Variants in DGKB observed in about 807,000 individuals in gnomAD.
DGKB encodes diacylglycerol kinase beta.
Under a neutral mutation model 114.3 loss-of-function variants are expected in DGKB, and 67 were observed. That is an observed-to-expected ratio of 0.59 (90% confidence interval 0.48 to 0.72). The LOEUF is 0.72. Among genes scored for constraint, DGKB ranks in the 30% least tolerant of loss-of-function variants. The pLI is 0.00. For synonymous variants in DGKB, 398 were observed against 323.1 expected (o/e 1.23, Z -2.49); for missense variants, 907 against 975.2 (o/e 0.93, Z 0.93).
chr7:14,806,171 C>A (rs1842773178), intron 2 of DGKB, among the ~76,000 whole-genome samples: 1 of 151,970 alleles, frequency 6.6e-6, no homozygotes, highest in South Asian at 2.1e-4. Flanking sequence ...ATGACTCTAG[C>A]TTAATTTGCA....
At chr7:14,940,270 T>G (rs1468244737) in intron 1 of DGKB, among the ~76,000 whole-genome samples, 2 of 152,094 alleles carry the variant, frequency 1.3e-5, no homozygotes, top group Non-Finnish European at 2.9e-5. Flanking sequence ...TGACAGTTTT[T>G]TAATCTCAAA....
intron 1 of DGKB, among the ~76,000 whole-genome samples, chr7:14,920,288 C>T (rs978607490): frequency 3.3e-5 from 5 of 151,892 alleles, no homozygotes; most frequent in South Asian, 2.1e-4. Flanking sequence ...AAATATACAA[C>T]GAATTCTTGA....
rs567187921 is a variant in DGKB, at chr7:14,643,759, C to T, written c.1135-13491G>A. On this transcript the variant is annotated intron_variant, in intron 13 of 25. Coordinates refer to ENST00000402815, the MANE Select transcript of DGKB (RefSeq NM_001350709.2). Reference sequence around the variant, plus strand: ...CTCTAGCAGTGGGGCCACCACATGTCCATGTGCAATGTCAATAACCTGCAA... The same window carrying T: ...CTCTAGCAGTGGGGCCACCACATGTTCATGTGCAATGTCAATAACCTGCAA... Among the ~76,000 whole-genome samples, 3 of 152,284 alleles carry T rather than the reference C, an allele frequency of 2.0e-5. No individual in the cohort carries two copies. In the East Asian group the frequency reaches 5.8e-4, roughly 29 times the overall value.
At chr7:14,850,096 A>C (rs1157034417) in intron 1 of DGKB, among the ~76,000 whole-genome samples, 1 of 152,226 alleles carries the variant, frequency 6.6e-6, no homozygotes, top group African/African-American at 2.4e-5. Context: ...GAGAGACTAG[A>C]AGACACTTTT....
intron 23 of DGKB, among the ~76,000 whole-genome samples, chr7:14,304,317 T>C (rs1804098943): frequency 6.6e-6 from 1 of 152,126 alleles, no homozygotes; most frequent in South Asian, 2.1e-4. Flanking sequence ...CCAGTTAATG[T>C]AAGACAGCTT....
chr7:14,401,475 G>T (rs1386801649), intron 21 of DGKB, among the ~76,000 whole-genome samples: 1 of 151,818 alleles, frequency 6.6e-6, no homozygotes, highest in East Asian at 1.9e-4. Context: ...AAATAACTGT[G>T]AGGCTCTATA....
intron 17 of DGKB, among the ~76,000 whole-genome samples, chr7:14,605,390 G>A (rs966863991): frequency 7.1e-6 from 1 of 140,260 alleles, no homozygotes; most frequent in African/African-American, 2.6e-5. Context: ...ACCTATATAT[G>A]TGTGTGTGTG....
At chr7:14,810,398 T>C (rs1314609318) in intron 2 of DGKB, among the ~76,000 whole-genome samples, 1 of 152,218 alleles carries the variant, frequency 6.6e-6, no homozygotes, top group Non-Finnish European at 1.5e-5. Flanking sequence ...GGGATAGCTC[T>C]CTGACATTTA....
intron 21 of DGKB, among the ~76,000 whole-genome samples, chr7:14,400,774 AT>A (rs200506027): frequency 0.013 from 1,909 of 151,584 alleles, 29 homozygotes; most frequent in African/African-American, 0.04. Flanking sequence ...TAATCCTGAA[AT>A]GTGGCTTAAG....
chr7:14,548,681 C>T (rs1359655072), intron 20 of DGKB, among the ~76,000 whole-genome samples: 1 of 152,096 alleles, frequency 6.6e-6, no homozygotes. Context: ...TGGAATTCAT[C>T]TGTATGCAAC....
chr7:14,231,736 C>T (rs1404118895), intron 23 of DGKB, among the ~76,000 whole-genome samples: 1 of 151,810 alleles, frequency 6.6e-6, no homozygotes, highest in Non-Finnish European at 1.5e-5. Flanking sequence ...GTTCTATTCC[C>T]TAATAGTGTC....
At chr7:14,661,123 C>G (rs1201557849) in intron 13 of DGKB, among the ~76,000 whole-genome samples, 3 of 152,028 alleles carry the variant, frequency 2.0e-5, no homozygotes, top group Non-Finnish European at 4.4e-5. Flanking sequence ...CTAGGCTTTA[C>G]CATTCGGGAC....
intron 23 of DGKB, among the ~76,000 whole-genome samples, chr7:14,243,902 A>G (rs1794025369): frequency 6.6e-6 from 1 of 152,168 alleles, no homozygotes; most frequent in Non-Finnish European, 1.5e-5. Context: ...CATCTTTGCT[A>G]TTTGATGTTG....
intron 6 of DGKB, among the ~76,000 whole-genome samples, chr7:14,715,716 T>A: frequency 6.6e-6 from 1 of 152,176 alleles, no homozygotes; most frequent in East Asian, 1.9e-4. Flanking sequence ...ACTGGGAAAC[T>A]GTGACTTCAA....
chr7:14,678,970 A>G (rs1159741556), intron 12 of DGKB, among the ~76,000 whole-genome samples: 1 of 152,012 alleles, frequency 6.6e-6, no homozygotes, highest in Non-Finnish European at 1.5e-5. Context: ...GAAGCATGAC[A>G]ATACCAGGTC....
At chr7:14,190,136 A>G (rs1784088166) in intron 23 of DGKB, among the ~76,000 whole-genome samples, 1 of 152,174 alleles carries the variant, frequency 6.6e-6, no homozygotes, top group Admixed American at 6.5e-5. Flanking sequence ...TCCAGGATGA[A>G]TCACATATTA....
chr7:14,816,251 T>A (rs1451909732), intron 2 of DGKB: 1 of 152,302 alleles, frequency 6.6e-6, no homozygotes, highest in East Asian at 1.9e-4. Flanking sequence ...GGAGAATCGC[T>A]TGAATCTTTG....
chr7:14,463,246 G>T (rs1190938639), intron 21 of DGKB, among the ~76,000 whole-genome samples: 1 of 151,930 alleles, frequency 6.6e-6, no homozygotes, highest in East Asian at 1.9e-4. Flanking sequence ...CTGTCAGGGG[G>T]TGGGGGGCCT....
At chr7:14,596,993 C>A (rs1802691896) in intron 17 of DGKB, among the ~76,000 whole-genome samples, 1 of 152,162 alleles carries the variant, frequency 6.6e-6, no homozygotes, top group South Asian at 2.1e-4. Context: ...AAGTGAGAGA[C>A]ACTGAAGTTG....
Sources: allele counts gnomAD v4.1 joint callset (sites outside exome capture counted in the v4.1 genomes callset), GRCh38; gene constraint gnomAD v4.1.1; transcripts MANE v1.5; gene names NCBI Gene and HGNC (gene_info 2026-07-23, HGNC 2026-07-21).